Variants in AGAP1 observed in about 807,000 individuals in gnomAD.
The protein encoded by AGAP1 is arf-GAP with GTPase, ANK repeat and PH domain-containing protein 1.
AGAP1 carries 29 observed loss-of-function variants against 105.3 expected under a neutral mutation model. The observed-to-expected ratio is 0.28, with a 90% CI of 0.21 to 0.38. The LOEUF is 0.38. Ranked by LOEUF, AGAP1 falls within the 10% of genes least tolerant of loss-of-function variation. AGAP1 has a pLI of 1.00. For synonymous variants in AGAP1, 509 were observed against 485.9 expected, an observed-to-expected ratio of 1.05 and a Z score of -0.63; for missense variants, 998 against 1,165.1, an observed-to-expected ratio of 0.86 and a Z score of 2.09.
intron 16 of AGAP1, among the ~76,000 whole-genome samples, chr2:236,081,206 G>C (rs1286650216): frequency 6.6e-6 from 1 of 152,126 alleles, no homozygotes; most frequent in Non-Finnish European, 1.5e-5. Flanking sequence ...CATCGAATCG[G>C]GAAGGGAGGG....
At chr2:235,823,940 C>G (rs958899768) in intron 9 of AGAP1, among the ~76,000 whole-genome samples, 1 of 152,124 alleles carries the variant, frequency 6.6e-6, no homozygotes. Context: ...GATGAGAAAG[C>G]TGAGGCTCGC....
intron 6 of AGAP1, among the ~76,000 whole-genome samples, chr2:235,756,508 C>T (rs1257813873): frequency 6.6e-6 from 1 of 152,076 alleles, no homozygotes; most frequent in Non-Finnish European, 1.5e-5. Flanking sequence ...ATTTCTTCTC[C>T]AAGCAGCTCG....
chr2:235,714,692 C>T lies in AGAP1; in HGVS notation c.223-2865C>T, dbSNP rs1951011641. The stretch of plus-strand genomic sequence containing the variant: ...GAGAACATTTGGATCCATGAGCCAT[C>T]ACTCAGACAGCAGACCACGGTGGCC... On this transcript the variant is annotated intron_variant, in intron 2 of 17. Coordinates refer to ENST00000304032, the MANE Select transcript of AGAP1 (RefSeq NM_001037131.3). This position sits in a 1 kb window ranked among gnomAD's most constrained non-coding sequence, Gnocchi z 4.1. Among the ~76,000 whole-genome samples, 1 of 152,126 alleles carries T rather than the reference C, an allele frequency of 6.6e-6. No homozygotes were observed.
chr2:236,006,749 T>A (rs1046027700), intron 13 of AGAP1, among the ~76,000 whole-genome samples: 2 of 152,182 alleles, frequency 1.3e-5, no homozygotes, highest in Non-Finnish European at 2.9e-5. Flanking sequence ...TGTGTGTGTG[T>A]ACGGATATGA....
rs1436207140 is a variant in AGAP1, at chr2:235,958,965, A to G, written c.1484-9497A>G. ...ATATTTTTTGGGGTGTGCGTTGAACATTGATGCCCGATTGGGAAGAACTAA... is the reference window on the plus strand; with the variant it reads ...ATATTTTTTGGGGTGTGCGTTGAACGTTGATGCCCGATTGGGAAGAACTAA... On this transcript the variant is annotated intron_variant, in intron 12 of 17. Transcript: ENST00000304032. This position sits in a 1 kb window ranked among gnomAD's most constrained non-coding sequence, Gnocchi z 4.1. Among the ~76,000 whole-genome samples, 3 of 152,198 alleles carry G rather than the reference A, an allele frequency of 2.0e-5. No individual in the cohort carries two copies. The highest frequency in any genetic ancestry group is 4.4e-5 in the Non-Finnish European group (3 of 68,046).
At position 235,963,976 on chromosome 2, in the gene AGAP1, A is replaced by G. The variant is rs186562829; in HGVS notation, c.1484-4486A>G. The stretch of plus-strand genomic sequence containing the variant: ...AAAAACAACCGCTGGATAACGGAAG[A>G]GAGTTTATGATATAATGCACCTACT... On this transcript the variant is annotated intron_variant, in intron 12 of 17. Transcript: ENST00000304032. This position sits in a 1 kb window ranked among gnomAD's most constrained non-coding sequence, Gnocchi z 5.1. Among the ~76,000 whole-genome samples the G allele has an allele frequency of 2.9e-3, 443 of 152,312 alleles. 1 individual carries two copies. The highest frequency in any genetic ancestry group is 4.8e-3 in the Non-Finnish European group (329 of 68,032).
rs985254766 is a variant in AGAP1, at chr2:235,615,152, A to G, written c.164-94027A>G. On this transcript the variant is annotated intron_variant, in intron 1 of 17. Transcript: ENST00000304032. The surrounding 1 kb of genome is among the most constrained non-coding windows in gnomAD (Gnocchi z 5.0). ...GCCTCTGCTCCTTCATTTGATTGCT[A>G]TGACAACCCACAGAGGTGGGTGTTG... Among the ~76,000 whole-genome samples, 11 of 152,196 alleles carry G rather than the reference A, an allele frequency of 7.2e-5. No homozygotes were observed. The highest frequency in any genetic ancestry group is 1.0e-4 in the Non-Finnish European group (7 of 68,042).
rs1267854383 is a variant in AGAP1 at position 235,982,806 on chromosome 2, A to G, written c.1645+14183A>G. Among the ~76,000 whole-genome samples the G allele has an allele frequency of 6.6e-6, 1 of 152,148 alleles. No individual in the cohort carries two copies. Among genetic ancestry groups the G allele is most frequent in the Non-Finnish European group, 1.5e-5 (1 of 68,030 alleles). On this transcript the variant is annotated intron_variant, in intron 13 of 17. Coordinates refer to ENST00000304032, the MANE Select transcript of AGAP1 (RefSeq NM_001037131.3). This position sits in a 1 kb window ranked among gnomAD's most constrained non-coding sequence, Gnocchi z 4.9. ...TCCTTCTGGACATTCAAAGATTAATATGTTACTGTCATCAGTGACTTGTTA... is the reference window on the plus strand; with the variant it reads ...TCCTTCTGGACATTCAAAGATTAATGTGTTACTGTCATCAGTGACTTGTTA...
rs80223365 is a variant in AGAP1 at position 235,953,792 on chromosome 2, T to G, written c.1484-14670T>G. Among the ~76,000 whole-genome samples the G allele has an allele frequency of 0.048, 7,305 of 151,994 alleles. 581 individuals carry two copies. The highest frequency in any genetic ancestry group is 0.17 in the African/African-American group (6,907 of 41,388). On this transcript the variant is annotated intron_variant, in intron 12 of 17. Coordinates refer to ENST00000304032, the MANE Select transcript of AGAP1 (RefSeq NM_001037131.3). The surrounding 1 kb of genome is among the most constrained non-coding windows in gnomAD (Gnocchi z 5.2). ...AAAGAAATTATCAGGGCATGGTGGG[T>G]CATACCTGTGGTCCACGCTCCTTGG...
intron 4 of AGAP1, among the ~76,000 whole-genome samples, chr2:235,742,593 A>T (rs1048276531): frequency 2.0e-5 from 3 of 152,094 alleles, no homozygotes; most frequent in African/African-American, 7.2e-5. Flanking sequence ...GTCTGATAGG[A>T]TCCTATCAGT....
Position 235,746,377 on chromosome 2 carries a change from CTTTTTTTTTTTTT to C in AGAP1, c.538+1560_538+1572del, listed in dbSNP as rs1172393048. ...GCTTCCTGGAGAGCACCTCCCCCAA[CTTTTTTTTTTTTT>C]TTTTTTTTTTTTTTTTTTTTTAAAG... is the stretch of plus-strand genomic sequence containing the variant. On this transcript the variant is annotated intron_variant, in intron 5 of 17. Transcript: ENST00000304032. Among the ~76,000 whole-genome samples, 347 of 55,582 alleles carry C rather than the reference CTTTTTTTTTTTTT, an allele frequency of 6.2e-3. 5 individuals are homozygous for C. Among genetic ancestry groups the C allele is most frequent in the African/African-American group, 0.025 (313 of 12,496 alleles). 36.5% of individuals were successfully genotyped at this position (55,582 alleles called of 152,430 possible). A position where few individuals can be genotyped will look rare whatever the true frequency, so the allele number is the denominator to read the frequency against.
At chr2:235,980,736 C>T (rs1255568485) in intron 13 of AGAP1, among the ~76,000 whole-genome samples, 3 of 152,168 alleles carry the variant, frequency 2.0e-5, no homozygotes, top group East Asian at 1.9e-4. Flanking sequence ...GTGGTCGCTC[C>T]GTGTGACCGT....
intron 16 of AGAP1, among the ~76,000 whole-genome samples, chr2:236,102,273 C>T (rs1212529735): frequency 6.6e-6 from 1 of 151,730 alleles, no homozygotes; most frequent in African/African-American, 2.4e-5. Flanking sequence ...AAAAATTAGC[C>T]GGGCGTGGTG....
intron 10 of AGAP1, among the ~76,000 whole-genome samples, chr2:235,902,048 G>A (rs1011518004): frequency 6.6e-6 from 1 of 152,098 alleles, no homozygotes; most frequent in East Asian, 1.9e-4. Context: ...TTTGTGAAAA[G>A]TATAATTTTC....
chr2:235,522,205 A>G (rs1304775548), intron 1 of AGAP1, among the ~76,000 whole-genome samples: 2 of 152,194 alleles, frequency 1.3e-5, no homozygotes, highest in East Asian at 3.8e-4. Flanking sequence ...GACCTGGGCC[A>G]GGCTCTGTTA....
At chr2:235,727,394 G>A (rs972901633) in intron 3 of AGAP1, among the ~76,000 whole-genome samples, 13 of 152,106 alleles carry the variant, frequency 8.5e-5, no homozygotes, top group African/African-American at 3.1e-4. Flanking sequence ...CACAGATCAC[G>A]TTACACCCAG....
At position 235,535,839 on chromosome 2, in the gene AGAP1, G is replaced by T. The variant is rs1041293109; in HGVS notation, c.163+40990G>T. 1.3e-5 allele frequency among the ~76,000 whole-genome samples: 2 copies of T among 152,004 alleles called. No homozygotes were observed. Among genetic ancestry groups the T allele is most frequent in the Non-Finnish European group, 2.9e-5 (2 of 68,020 alleles). ...CTGCTTTCCAGAACCTTCTGGGAGTGGCAGACACACATTAGGAGTCCACGC... is the reference window on the plus strand; with the variant it reads ...CTGCTTTCCAGAACCTTCTGGGAGTTGCAGACACACATTAGGAGTCCACGC... On this transcript the variant is annotated intron_variant, in intron 1 of 17. Coordinates refer to ENST00000304032, the MANE Select transcript of AGAP1 (RefSeq NM_001037131.3). This position sits in a 1 kb window ranked among gnomAD's most constrained non-coding sequence, Gnocchi z 5.1.
At chr2:235,567,663 A>G (rs2149153363) in intron 1 of AGAP1, among the ~76,000 whole-genome samples, 1 of 142,094 alleles carries the variant, frequency 7.0e-6, no homozygotes, top group East Asian at 2.2e-4. Context: ...GACTATTTAG[A>G]GGTCTAGGGA....
chr2:235,668,862 T>G (rs1575075805), intron 1 of AGAP1, among the ~76,000 whole-genome samples: 1 of 152,274 alleles, frequency 6.6e-6, no homozygotes, highest in East Asian at 1.9e-4. Flanking sequence ...CACCCCTGTT[T>G]TACAGGTGGA....
Sources: gnomAD v4.1 joint callset for allele counts (sites outside exome capture counted in the v4.1 genomes callset) on GRCh38, gnomAD v4.1.1 for gene constraint, Gnocchi (gnomAD v3.1) non-coding constraint, MANE v1.5 for transcripts, NCBI Gene and HGNC (gene_info 2026-07-23, HGNC 2026-07-21) for gene names.